The following PCDH15 variants were observed in gnomAD, a reference collection of about 807,000 sequenced individuals.
The protein encoded by PCDH15 is protocadherin related 15.
PCDH15 carries 129 observed loss-of-function variants against 178.5 expected under a neutral mutation model. The ratio of observed to expected loss-of-function variants is 0.72; its 90% CI spans 0.63 to 0.84. The LOEUF (loss-of-function observed/expected upper bound fraction) is 0.84. Among genes scored for constraint, PCDH15 ranks in the 40% least tolerant of loss-of-function variants. PCDH15 has a pLI of 0.00. For synonymous variants in PCDH15, 800 were observed against 732.0 expected, an observed-to-expected ratio of 1.09 and a Z score of -1.50; for missense variants, 2,230 against 2,099.9, an observed-to-expected ratio of 1.06 and a Z score of -1.21.
intron 21 of PCDH15, among the ~76,000 whole-genome samples, chr10:53,990,629 GTTC>G (rs2091407806): frequency 1.3e-5 from 2 of 151,436 alleles, no homozygotes; most frequent in South Asian, 4.2e-4. Flanking sequence ...GGTCAAAATT[GTTC>G]ATATTGAGAG....
intron 26 of PCDH15, among the ~76,000 whole-genome samples, chr10:53,878,225 T>TATATATATATATATTCTAC (rs1407569987): frequency 0.012 from 266 of 22,606 alleles, 1 homozygote; most frequent in African/African-American, 0.02. Flanking sequence ...AATATATATA[T>TATATATATATATATTCTAC]ATATATATAT....
chr10:55,295,330 A>G (rs1564978858), intron 1 of PCDH15, among the ~76,000 whole-genome samples: 8 of 152,228 alleles, frequency 5.3e-5, no homozygotes, highest in Admixed American at 5.2e-4. Context: ...ATAACACAGC[A>G]AGGATTCTTC....
intron 19 of PCDH15, among the ~76,000 whole-genome samples, chr10:54,022,404 T>C (rs2092951636): frequency 6.6e-6 from 1 of 152,036 alleles, no homozygotes; most frequent in African/African-American, 2.4e-5. Context: ...AATTTGTAAC[T>C]CTCTATATTT....
intron 21 of PCDH15, among the ~76,000 whole-genome samples, chr10:53,984,372 G>A (rs182661228): frequency 8.0e-4 from 121 of 151,812 alleles, no homozygotes; most frequent in South Asian, 1.9e-3. Context: ...GGATGGTCTC[G>A]ATCTCCTGAC....
At chr10:54,207,842 G>C (rs749817653) in intron 10 of PCDH15, among the ~76,000 whole-genome samples, 3 of 152,024 alleles carry the variant, frequency 2.0e-5, no homozygotes, top group Non-Finnish European at 4.4e-5. Flanking sequence ...ATAGTCATTT[G>C]TCTTAACCAT....
At chr10:53,851,558 CT>C (rs1336447483) in intron 28 of PCDH15, among the ~76,000 whole-genome samples, 3 of 150,632 alleles carry the variant, frequency 2.0e-5, no homozygotes, top group African/African-American at 7.3e-5. Flanking sequence ...CAAAAAGGAG[CT>C]CAAACTTTCC....
At chr10:54,628,600 C>T (rs747081541) in intron 2 of PCDH15, among the ~76,000 whole-genome samples, 8 of 152,038 alleles carry the variant, frequency 5.3e-5, no homozygotes, top group Non-Finnish European at 1.0e-4. Context: ...AATTGAAATA[C>T]GGATGCAAAA....
At chr10:54,421,686 A>ATATATATATATATG (rs1955363584) in intron 3 of PCDH15, among the ~76,000 whole-genome samples, 1 of 116,198 alleles carries the variant, frequency 8.6e-6, no homozygotes, top group Non-Finnish European at 1.7e-5. Context: ...ATATATATAT[A>ATATATATATATATG]TATATATACA....
intron 1 of PCDH15, among the ~76,000 whole-genome samples, chr10:55,231,025 T>C (rs182408712): frequency 1.3e-5 from 2 of 152,100 alleles, no homozygotes; most frequent in East Asian, 3.9e-4. Context: ...AGAAACAGTG[T>C]AATTTACTTA....
upstream of PCDH15, among the ~76,000 whole-genome samples, chr10:55,322,889 T>C (rs1039369975): frequency 6.6e-6 from 1 of 151,910 alleles, no homozygotes; most frequent in Non-Finnish European, 1.5e-5. Context: ...ATAGGGAAAA[T>C]GTCTCTGGGG....
intron 6 of PCDH15, 69 bp downstream of exon 6, chr10:54,346,296 T>C: frequency 6.9e-7 from 1 of 1,459,382 alleles, no homozygotes. Context: ...ATACAATAAC[T>C]ATCAGCTGAA....
At chr10:55,529,725 A>G (rs1264795376) in intron 2 of PCDH15, among the ~76,000 whole-genome samples, 7 of 117,144 alleles carry the variant, frequency 6.0e-5, no homozygotes, top group East Asian at 5.4e-4. Flanking sequence ...ATATATATAT[A>G]TGTGTTTGTC....
At chr10:54,192,125 A>T (rs1737643982) in intron 11 of PCDH15, among the ~76,000 whole-genome samples, 1 of 128,746 alleles carries the variant, frequency 7.8e-6, no homozygotes, top group African/African-American at 3.6e-5. Context: ...AAAAAGAAAG[A>T]AAGAAAGAGA....
At chr10:54,257,550 A>G (rs1184079138) in intron 8 of PCDH15, among the ~76,000 whole-genome samples, 1 of 152,052 alleles carries the variant, frequency 6.6e-6, no homozygotes, top group Admixed American at 6.6e-5. Flanking sequence ...GCTACTCTTC[A>G]TTGAGAAAAT....
At chr10:54,950,793 T>G (rs1260547014) in intron 2 of PCDH15, among the ~76,000 whole-genome samples, 1 of 151,950 alleles carries the variant, frequency 6.6e-6, no homozygotes, top group Non-Finnish European at 1.5e-5. Flanking sequence ...TTATGGGGAT[T>G]ACAATACAAG....
intron 25 of PCDH15, among the ~76,000 whole-genome samples, chr10:53,937,179 A>T (rs1018586871): frequency 2.0e-5 from 3 of 152,160 alleles, no homozygotes; most frequent in Admixed American, 1.3e-4. Flanking sequence ...ATTTACATGT[A>T]AATTAAAGTA....
At chr10:54,221,312 T>A (rs2052780303) in intron 9 of PCDH15, among the ~76,000 whole-genome samples, 1 of 152,270 alleles carries the variant, frequency 6.6e-6, no homozygotes, top group Admixed American at 6.5e-5. Flanking sequence ...CCTAAATTAA[T>A]CCCTTGGTGA....
intron 2 of PCDH15, among the ~76,000 whole-genome samples, chr10:55,538,586 C>CTTCCTTCCTCCT (rs1441797273): frequency 9.9e-6 from 1 of 100,580 alleles, no homozygotes; most frequent in African/African-American, 4.6e-5. Context: ...CCTTTCCTTC[C>CTTCCTTCCTCCT]TTCCTTCCTT....
chr10:54,160,216 C>G (rs1412236109), intron 13 of PCDH15, among the ~76,000 whole-genome samples: 2 of 152,084 alleles, frequency 1.3e-5, no homozygotes, highest in Non-Finnish European at 2.9e-5. Flanking sequence ...TAGGACACCT[C>G]AAGATTTCAT....
Sources: gnomAD v4.1 joint callset for allele counts (sites outside exome capture counted in the v4.1 genomes callset) on GRCh38, gnomAD v4.1.1 for gene constraint, MANE v1.5 for transcripts, NCBI Gene and HGNC (gene_info 2026-07-23, HGNC 2026-07-21) for gene names.